Variants in LAMC3 observed in about 807,000 individuals in gnomAD.
LAMC3 encodes the protein laminin subunit gamma-3.
Under a neutral mutation model 173.8 loss-of-function variants are expected in LAMC3, and 128 were observed. The observed-to-expected ratio is 0.74, with a 90% CI of 0.64 to 0.85. The LOEUF is 0.85. Among genes scored for constraint, LAMC3 ranks in the 40% least tolerant of loss-of-function variants. LAMC3 has a pLI of 0.00. For synonymous variants in LAMC3, 897 were observed against 909.1 expected (o/e 0.99, Z 0.24); for missense variants, 2,022 against 2,156.0 (o/e 0.94, Z 1.23).
At chr9:131,045,234 A>AAAAAAC (rs568643150) in intron 7 of LAMC3, among the ~76,000 whole-genome samples, 17 of 90,338 alleles carry the variant, frequency 1.9e-4, no homozygotes, top group Non-Finnish European at 3.9e-4. Context: ...AAAAAAAAAA[A>AAAAAAC]AACAACAACA....
intron 12 of LAMC3, among the ~76,000 whole-genome samples, chr9:131,058,901 G>C (rs7027728): frequency 2.1e-5 from 3 of 143,908 alleles, no homozygotes; most frequent in Non-Finnish European, 3.0e-5. Flanking sequence ...GAGGAAAAAA[G>C]AAAAAAAAAA....
rs541866254 is a variant in LAMC3, at chr9:131,041,430, A to G, written c.1284-207A>G. ...TGACAGATGGAAGGATCCTGGATGG[A>G]TGTGTGGTGGGTGGGAAGATGGACC... On this transcript the variant is annotated intron_variant, in intron 6 of 27. Transcript: ENST00000361069. Among the ~76,000 whole-genome samples, 4 of 151,188 alleles carry G rather than the reference A, an allele frequency of 2.6e-5. No homozygotes were observed. In the East Asian group the frequency reaches 7.8e-4, roughly 29 times the overall value.
chr9:131,077,317 G>C lies in LAMC3; in HGVS notation c.3760G>C (p.Ala1254Pro). Residue 1254 changes from alanine (A) to proline (P), a missense_variant, in exon 22 of 28, where the codon GCT becomes CCT. Coordinates refer to ENST00000361069, the MANE Select transcript of LAMC3 (RefSeq NM_006059.4). ...TACAGCCCCGTACCTGGCCTTGCTG[G>C]CTTCCCCGGGAGCTCTGGTCAGCTC... Reference protein sequence around the residue: ...ADTAPYLALLASPGALPQKSR... With the variant: ...ADTAPYLALLPSPGALPQKSR... 6.2e-7 allele frequency: 1 copy of C among 1,613,872 alleles called. No individual in the cohort carries two copies. The highest frequency in any genetic ancestry group is 8.5e-7 in the Non-Finnish European group (1 of 1,180,026).
At chr9:131,020,058 T>C (rs1339692779) in intron 1 of LAMC3, among the ~76,000 whole-genome samples, 2 of 151,984 alleles carry the variant, frequency 1.3e-5, no homozygotes, top group Non-Finnish European at 2.9e-5. Flanking sequence ...AGGCTTATTT[T>C]GGGAAAATGG....
Position 131,009,696 on chromosome 9 carries a change from G to A in LAMC3, c.373+109G>A. On this transcript the variant is annotated intron_variant, in intron 1 of 27. Transcript: ENST00000361069. The surrounding 1 kb of genome is among the most constrained non-coding windows in gnomAD (Gnocchi z 4.3). Reference sequence around the variant, plus strand: ...CGCCCAGGTTGGGCTGCAGGACCCAGATATGGTGTTGGATGGAGGGGCTCA... The same window carrying A: ...CGCCCAGGTTGGGCTGCAGGACCCAAATATGGTGTTGGATGGAGGGGCTCA... 4 of 1,354,002 alleles carry A rather than the reference G, an allele frequency of 3.0e-6. No homozygotes were observed. Among genetic ancestry groups the A allele is most frequent in the Non-Finnish European group, 4.0e-6 (4 of 987,836 alleles). 83.9% of individuals were successfully genotyped at this position (1,354,002 alleles called of 1,614,324 possible).
In LAMC3 at chr9:131,082,100, A is replaced by G. The variant is rs937513555; in HGVS notation, c.3969A>G (p.Ser1323=). Residue 1323 remains serine, a synonymous_variant, in exon 24 of 28, where the codon TCA becomes TCG. Coordinates refer to ENST00000361069, the MANE Select transcript of LAMC3 (RefSeq NM_006059.4). The part of the protein sequence containing the change: ...EARAALTQAS[S]SVQAATVTVM... ...GAGCCGCCCTGACCCAGGCTTCCTC[A>G]TCTGTCCAGGCTGCGACAGTGACTG... 1 of 1,613,940 alleles carries G rather than the reference A, an allele frequency of 6.2e-7. No homozygotes were observed. The highest frequency in any genetic ancestry group is 8.5e-7 in the Non-Finnish European group (1 of 1,179,968).
intron 1 of LAMC3, among the ~76,000 whole-genome samples, chr9:131,024,486 C>CT (rs1833684864): frequency 6.6e-6 from 1 of 152,112 alleles, no homozygotes; most frequent in Non-Finnish European, 1.5e-5. Context: ...CAGCAGACGA[C>CT]TAGGGTGGCT....
intron 8 of LAMC3, among the ~76,000 whole-genome samples, chr9:131,047,799 G>A (rs894699186): frequency 1.3e-5 from 2 of 151,726 alleles, no homozygotes; most frequent in Middle Eastern, 3.2e-3. Context: ...GGAGGCAGAG[G>A]TTGCAGTGAG....
intron 11 of LAMC3, among the ~76,000 whole-genome samples, chr9:131,054,447 T>A (rs528757888): frequency 4.3e-4 from 65 of 152,260 alleles, no homozygotes; most frequent in African/African-American, 1.3e-3. Context: ...TGTATTTTTT[T>A]AAAAACATAG....
chr9:131,079,697 AAAAG>A (rs1830202660), intron 23 of LAMC3, among the ~76,000 whole-genome samples: 1 of 152,030 alleles, frequency 6.6e-6, no homozygotes, highest in Non-Finnish European at 1.5e-5. Context: ...CATCTCAAAA[AAAAG>A]AAAAAAGAAG....
In LAMC3 at chr9:131,029,658, T is replaced by G. The variant is rs2133231644; in HGVS notation, c.679-2387T>G. ...GGTGCTTTCTCAGAGGACACAGAGC[T>G]TGGAAGGAAGGATGTGGCTGCTGGG... On this transcript the variant is annotated intron_variant, in intron 2 of 27. Coordinates refer to ENST00000361069, the MANE Select transcript of LAMC3 (RefSeq NM_006059.4). The surrounding 1 kb of genome is among the most constrained non-coding windows in gnomAD (Gnocchi z 4.6). Among the ~76,000 whole-genome samples, 1 of 152,288 alleles carries G rather than the reference T, an allele frequency of 6.6e-6. No individual in the cohort carries two copies. The highest frequency in any genetic ancestry group is 1.9e-4 in the East Asian group (1 of 5,186).
chr9:131,024,599 G>C (rs1478993249), intron 1 of LAMC3, among the ~76,000 whole-genome samples: 3 of 152,176 alleles, frequency 2.0e-5, no homozygotes, highest in Admixed American at 6.5e-5. Context: ...CGGCCATGGG[G>C]AGGGGACTGG....
chr9:131,089,887 C>G (rs1031786940), intron 27 of LAMC3, among the ~76,000 whole-genome samples: 1 of 152,188 alleles, frequency 6.6e-6, no homozygotes, highest in Non-Finnish European at 1.5e-5. Flanking sequence ...CACTCTTTGA[C>G]GCAAGGACAG....
intron 1 of LAMC3, chr9:131,021,093 T>TG (rs1833615931): frequency 6.6e-6 from 1 of 152,226 alleles, no homozygotes; most frequent in Non-Finnish European, 1.5e-5. Context: ...TGTAGGTTCT[T>TG]GCTTGGAGTA....
chr9:131,010,418 C>T lies in LAMC3; in HGVS notation c.373+831C>T, dbSNP rs112610427. Among the ~76,000 whole-genome samples the T allele has an allele frequency of 9.2e-3, 1,396 of 152,270 alleles. 21 individuals carry two copies. Among genetic ancestry groups the T allele is most frequent in the African/African-American group, 0.032 (1,336 of 41,540 alleles). On this transcript the variant is annotated intron_variant, in intron 1 of 27. Transcript: ENST00000361069. ...ATAGACTGAGGGGTGCCCCGTGGGG[C>T]GGGAGAGGCAGGGAGTCACTTGCTG...
At position 131,045,405 on chromosome 9, in the gene LAMC3, T is replaced by A. The variant is rs913661046; in HGVS notation, c.1383-119T>A. The A allele has an allele frequency of 3.5e-5, 41 of 1,165,756 alleles. No individual in the cohort carries two copies. The East Asian group carries it at 3.8e-4, about 11-fold the overall frequency. The allele number at this position is 1,165,756 out of a possible 1,614,324, so 72.2% of individuals were successfully genotyped here. ...ACTCTTCTAGAATTCTGAAAAAAAATTGTTTTTAAGTTTCTGCAGTGATTC... is the reference window on the plus strand; with the variant it reads ...ACTCTTCTAGAATTCTGAAAAAAAAATGTTTTTAAGTTTCTGCAGTGATTC... On this transcript the variant is annotated intron_variant, in intron 7 of 27. Transcript: ENST00000361069.
intron 18 of LAMC3, 39 bp from the exon 19 acceptor site, chr9:131,072,591 C>T: frequency 6.4e-7 from 1 of 1,562,294 alleles, no homozygotes; most frequent in Non-Finnish European, 8.7e-7. Flanking sequence ...TGTGACATCT[C>T]CACCACTTTG....
intron 22 of LAMC3, 83 bp from the exon 23 acceptor site, chr9:131,079,066 C>A: frequency 6.5e-7 from 1 of 1,542,626 alleles, no homozygotes; most frequent in African/African-American, 1.4e-5. Context: ...CGCCTCAGCC[C>A]AGCAGGGCAC....
intron 11 of LAMC3, among the ~76,000 whole-genome samples, chr9:131,053,896 G>A (rs1488471104): frequency 6.6e-6 from 1 of 151,984 alleles, no homozygotes; most frequent in Non-Finnish European, 1.5e-5. Flanking sequence ...TGTAATTCCA[G>A]CTACTCAGGA....
Sources: allele counts gnomAD v4.1 joint callset (sites outside exome capture counted in the v4.1 genomes callset), GRCh38; gene constraint gnomAD v4.1.1; non-coding constraint Gnocchi (gnomAD v3.1); transcripts MANE v1.5; gene names NCBI Gene and HGNC (gene_info 2026-07-23, HGNC 2026-07-21).